Variants in CNOT8 observed in about 807,000 individuals in gnomAD.
CNOT8 encodes CAF1-like protein.
In CNOT8, 18 loss-of-function variants were observed where a neutral mutation model predicts 34.6. The ratio of observed to expected loss-of-function variants is 0.52; its 90% CI spans 0.36 to 0.77. The LOEUF is 0.77. CNOT8 is among the 30% of genes least tolerant of loss of function. The probability of loss-of-function intolerance (pLI) is 0.00; values close to 1 mark genes in which losing one functional copy is unlikely to be tolerated. For synonymous variants in CNOT8, 101 were observed against 118.8 expected, an observed-to-expected ratio of 0.85 and a Z score of 0.98; for missense variants, 189 against 347.9, an observed-to-expected ratio of 0.54 and a Z score of 3.63.
chr5:154,866,266 A>T (rs1484220903), intron 3 of CNOT8, among the ~76,000 whole-genome samples: 3 of 152,038 alleles, frequency 2.0e-5, no homozygotes, highest in Non-Finnish European at 4.4e-5. Flanking sequence ...GGCTTATCTG[A>T]TCCTCCCACG....
rs1469465557 is a variant in CNOT8 at position 154,863,815 on chromosome 5, A to G, written c.117+420A>G. Among the ~76,000 whole-genome samples the G allele has an allele frequency of 2.6e-5, 4 of 152,328 alleles. No individual in the cohort carries two copies. In the East Asian group the frequency reaches 7.7e-4, roughly 29 times the overall value. On this transcript the variant is annotated intron_variant, in intron 2 of 6. Transcript: ENST00000285896. ...TTTGAAAGTCTTTAAAGCAGAAGTT[A>G]CGTCATCCCCTAGGGCCCAGCTGTT...
In CNOT8 at chr5:154,870,238, T is replaced by G. The variant is rs181717054; in HGVS notation, c.312-423T>G. Among the ~76,000 whole-genome samples the G allele has an allele frequency of 2.2e-3, 322 of 146,758 alleles. 1 individual carries two copies. The highest frequency in any genetic ancestry group is 6.9e-3 in the African/African-American group (263 of 38,004). On this transcript the variant is annotated intron_variant, in intron 3 of 6. Coordinates refer to ENST00000285896, the MANE Select transcript of CNOT8 (RefSeq NM_001301073.2). The stretch of plus-strand genomic sequence containing the variant: ...TTTGTTTGTGTGTGTGTGTGTGTGT[T>G]GTTTTTTTTTTGTTTGTTTTGTTTT...
intron 3 of CNOT8, among the ~76,000 whole-genome samples, chr5:154,865,667 T>C (rs754249422): frequency 3.3e-5 from 5 of 152,208 alleles, no homozygotes; most frequent in African/African-American, 1.2e-4. Flanking sequence ...TAAACCCACA[T>C]TGGGATACCA....
rs1762420425 is a variant in CNOT8 at position 154,870,841 on chromosome 5, G to A, written c.473+19G>A. On this transcript the variant is annotated intron_variant, in intron 4 of 6. Transcript: ENST00000285896. ...TTCATAGGTCAGTCCTAGGGAATGT[G>A]TATTTCTCTCTCACTTTGGGCTACA... 6.3e-7 allele frequency: 1 copy of A among 1,585,342 alleles called. No homozygotes were observed.
At position 154,871,789 on chromosome 5, in the gene CNOT8, A is replaced by C; in HGVS notation, c.533A>C (p.Glu178Ala). 6.2e-7 allele frequency: 1 copy of C among 1,613,906 alleles called. No homozygotes were observed. The highest frequency in any genetic ancestry group is 8.5e-7 in the Non-Finnish European group (1 of 1,179,838). ...LLTDSRLPEE[E>A]HEFFHILNLF... ...ACAGATTCTCGTTTGCCAGAAGAGG[A>C]ACATGAATTCTTTCATATTCTGAAC... is the stretch of plus-strand genomic sequence containing the variant. The change falls in exon 5 of 7, where the codon GAA (glutamate) becomes GCA (alanine). Residue 178 changes from glutamate (E) to alanine (A), a missense_variant. Physicochemically the swap from Glu to Ala is moderately radical, Grantham distance 107. Coordinates refer to ENST00000285896, the MANE Select transcript of CNOT8 (RefSeq NM_001301073.2).
chr5:154,872,517 T>A, intron 5 of CNOT8, 24 bp from the exon 6 acceptor site: 1 of 1,514,146 alleles, frequency 6.6e-7, no homozygotes, highest in Non-Finnish European at 9.1e-7. Context: ...TGTAATATTA[T>A]CTTTGTTCTC....
rs529593526 is a variant in CNOT8, at chr5:154,872,022, C to G, written c.618+148C>G. 1.0e-5 allele frequency: 7 copies of G among 681,586 alleles called. No homozygotes were observed. In the African/African-American group the frequency reaches 1.1e-4, roughly 11 times the overall value. 42.2% of individuals were successfully genotyped at this position (681,586 alleles called of 1,614,324 possible). ...GGGTATAATATAAAGCTGATTTGGT[C>G]AGATATTTGTGTGGTAACGATCTTT... On this transcript the variant is annotated intron_variant, in intron 5 of 6. Coordinates refer to ENST00000285896, the MANE Select transcript of CNOT8 (RefSeq NM_001301073.2).
chr5:154,864,515 C>T (rs1041679598), intron 2 of CNOT8, among the ~76,000 whole-genome samples: 4 of 151,820 alleles, frequency 2.6e-5, no homozygotes, highest in African/African-American at 7.3e-5. Context: ...GAGCTCCTTC[C>T]AGTCTTTTCA....
intron 1 of CNOT8, chr5:154,859,370 C>G (rs1005897113): frequency 2.6e-5 from 4 of 152,144 alleles, no homozygotes; most frequent in Non-Finnish European, 4.4e-5. Context: ...GGCCCCATAA[C>G]TTTTTCTTGG....
Position 154,876,681 on chromosome 5 carries a change from AT to A in CNOT8, c.*1245del, listed in dbSNP as rs1381994405. ...ATTTTAAAAGCTTATGGGAAACTCA[AT>A]TTGAAATGATTAGAAAATGTCAAGT... On this transcript the variant is annotated 3_prime_UTR_variant, in exon 7 of 7. Coordinates refer to ENST00000285896, the MANE Select transcript of CNOT8 (RefSeq NM_001301073.2). 1.3e-5 allele frequency: 2 copies of A among 152,688 alleles called. No homozygotes were observed. The highest frequency in any genetic ancestry group is 6.5e-5 in the Admixed American group (1 of 15,288). 9.5% of individuals were successfully genotyped at this position (152,688 alleles called of 1,614,324 possible).
intron 4 of CNOT8, 50 bp from the exon 5 acceptor site, chr5:154,871,680 G>T: frequency 6.3e-7 from 1 of 1,580,930 alleles, no homozygotes; most frequent in East Asian, 2.2e-5. Context: ...TTGAACACTG[G>T]GGCCTGATAA....
chr5:154,876,615 G>A lies in CNOT8; in HGVS notation c.*1176G>A, dbSNP rs12300. 25,229 of 152,578 alleles carry A rather than the reference G, an allele frequency of 0.17. 2,792 individuals carry two copies. Among genetic ancestry groups the A allele is most frequent in the African/African-American group, 0.31 (13,015 of 41,480 alleles). The allele number at this position is 152,578 out of a possible 1,614,324, so 9.5% of individuals were successfully genotyped here. On this transcript the variant is annotated 3_prime_UTR_variant, in exon 7 of 7. Transcript: ENST00000285896. The stretch of plus-strand genomic sequence containing the variant: ...CAAAACCCACTTTGGATTGGTGGAA[G>A]TAAAAACTGGTAACTCACTCAAGTG...
intron 1 of CNOT8, 43 bp downstream of exon 1, chr5:154,858,811 AAG>A (rs1464300631): frequency 6.6e-6 from 1 of 151,210 alleles, no homozygotes; most frequent in East Asian, 2.0e-4. Flanking sequence ...CGTAAGATGA[AAG>A]AGTGTGAGAG....
At chr5:154,871,632 C>A (rs1582619197) in intron 4 of CNOT8, 98 bp from the exon 5 acceptor site, 18 of 827,974 alleles carry the variant, frequency 2.2e-5, no homozygotes, top group East Asian at 3.8e-5. Context: ...AAGTTCCTAA[C>A]ATGAAGTAGC....
At chr5:154,863,142 C>T (rs1761515112) in intron 1 of CNOT8, 65 bp from the exon 2 acceptor site, 2 of 661,094 alleles carry the variant, frequency 3.0e-6, no homozygotes, top group African/African-American at 1.8e-5. Context: ...ATTTTGATGT[C>T]TTTGTTGTGT....
chr5:154,871,726 G>A lies in CNOT8; in HGVS notation c.474-4G>A. 6.2e-7 allele frequency: 1 copy of A among 1,613,862 alleles called. No individual in the cohort carries two copies. The highest frequency in any genetic ancestry group is 8.5e-7 in the Non-Finnish European group (1 of 1,179,906). ...TTTAACCTCTGTGGTTTATTCTCTT[G>A]TAGTGGCTATGATTTTGGCTATATG... On this transcript the variant is annotated splice_polypyrimidine_tract_variant and splice_region_variant and intron_variant, in intron 4 of 6. Coordinates refer to ENST00000285896, the MANE Select transcript of CNOT8 (RefSeq NM_001301073.2).
intron 3 of CNOT8, among the ~76,000 whole-genome samples, chr5:154,865,591 T>G (rs577979989): frequency 1.3e-5 from 2 of 152,218 alleles, no homozygotes; most frequent in Non-Finnish European, 2.9e-5. Flanking sequence ...TGAAAGATAA[T>G]GTACAGATGG....
Position 154,870,837 on chromosome 5 carries a change from A to G in CNOT8, c.473+15A>G. Reference sequence around the variant, plus strand: ...TCATTTCATAGGTCAGTCCTAGGGAATGTGTATTTCTCTCTCACTTTGGGC... The same window carrying G: ...TCATTTCATAGGTCAGTCCTAGGGAGTGTGTATTTCTCTCTCACTTTGGGC... On this transcript the variant is annotated intron_variant, in intron 4 of 6. Transcript: ENST00000285896. 6.3e-7 allele frequency: 1 copy of G among 1,587,264 alleles called. No individual in the cohort carries two copies. The highest frequency in any genetic ancestry group is 8.6e-7 in the Non-Finnish European group (1 of 1,166,076).
At position 154,871,778 on chromosome 5, in the gene CNOT8, G is replaced by A. The variant is rs1561691356; in HGVS notation, c.522G>A (p.Leu174=). 6.2e-7 allele frequency: 1 copy of A among 1,613,724 alleles called. No individual in the cohort carries two copies. The highest frequency in any genetic ancestry group is 2.2e-5 in the East Asian group (1 of 44,850). Residue 174 remains leucine, a synonymous_variant, in exon 5 of 7, where the codon TTG becomes TTA. Transcript: ENST00000285896. ...YMVKLLTDSR[L]PEEEHEFFHI... is the part of the protein sequence containing the mutation. ...TAAAGTTGCTTACAGATTCTCGTTT[G>A]CCAGAAGAGGAACATGAATTCTTTC...
Sources: gnomAD v4.1 joint callset for allele counts (sites outside exome capture counted in the v4.1 genomes callset) on GRCh38, gnomAD v4.1.1 for gene constraint, MANE v1.5 for transcripts, NCBI Gene and HGNC (gene_info 2026-07-23, HGNC 2026-07-21) for gene names.